Variants in MAP7D1 observed in about 807,000 individuals in gnomAD.
The protein encoded by MAP7D1 is MAP7 domain containing 1.
MAP7D1 carries 30 observed loss-of-function variants against 97.5 expected under a neutral mutation model. The ratio of observed to expected loss-of-function variants is 0.31; its 90% CI spans 0.23 to 0.42. MAP7D1 has a LOEUF of 0.42. Among genes scored for constraint, MAP7D1 ranks in the 10% least tolerant of loss-of-function variants. The pLI is 1.00. For missense variants in MAP7D1, 1,184 were observed against 1,179.5 expected (o/e 1.00, Z -0.06); for synonymous variants, 536 against 477.1 (o/e 1.12, Z -1.61).
At position 36,176,404 on chromosome 1, in the gene MAP7D1, T is replaced by C; in HGVS notation, c.1056T>C (p.Thr352=). ...CGCGCGGGCCGCAACCCGACCGCAC[T>C]CATCCCTCTGCAGCCGTGCCGGTGT... The part of the protein sequence containing the change: ...SLARGPQPDR[T]HPSAAVPVCP... The change falls in exon 7 of 17, where the codon ACT becomes ACC. Residue 352 remains threonine (T), a synonymous_variant. Transcript: ENST00000474796. This position sits in a 1 kb window ranked among gnomAD's most constrained non-coding sequence, Gnocchi z 6.1. The C allele has an allele frequency of 6.5e-7, 1 of 1,534,444 alleles. No homozygotes were observed. The highest frequency in any genetic ancestry group is 1.2e-5 in the South Asian group (1 of 84,222).
At chr1:36,161,648 C>G (rs548608221) in intron 1 of MAP7D1, among the ~76,000 whole-genome samples, 1 of 152,304 alleles carries the variant, frequency 6.6e-6, no homozygotes, top group Non-Finnish European at 1.5e-5. Flanking sequence ...CGGACTTTCT[C>G]TGGGCCTAGG....
chr1:36,171,444 A>G lies in MAP7D1; in HGVS notation c.392-69A>G, dbSNP rs1644541809. Reference sequence around the variant, plus strand: ...AAAGGATGGGGTGAGGCCCGGAGGGAGGGATCTGAGGCTGACTCCTCTTTG... The same window carrying G: ...AAAGGATGGGGTGAGGCCCGGAGGGGGGGATCTGAGGCTGACTCCTCTTTG... On this transcript the variant is annotated intron_variant, in intron 2 of 16. Coordinates refer to ENST00000474796, the MANE Select transcript of MAP7D1 (RefSeq NM_001388490.1). 3.2e-6 allele frequency: 5 copies of G among 1,584,212 alleles called. No homozygotes were observed. The South Asian group carries it at 4.5e-5, about 14-fold the overall frequency.
rs1425156537 is a variant in MAP7D1 at position 36,171,687 on chromosome 1, C to T, written c.460+106C>T. On this transcript the variant is annotated intron_variant, in intron 3 of 16. Coordinates refer to ENST00000474796, the MANE Select transcript of MAP7D1 (RefSeq NM_001388490.1). ...GTGGCTCACGCCTGTAATCCCAGCACTTTGGGAGGCCGAGGCGGGCGAATC... is the reference window on the plus strand; with the variant it reads ...GTGGCTCACGCCTGTAATCCCAGCATTTTGGGAGGCCGAGGCGGGCGAATC... 6 of 1,230,992 alleles carry T rather than the reference C, an allele frequency of 4.9e-6. No individual in the cohort carries two copies. The Admixed American group carries it at 1.2e-4, about 24-fold the overall frequency. 76.3% of individuals were successfully genotyped at this position (1,230,992 alleles called of 1,614,324 possible).
At position 36,164,076 on chromosome 1, in the gene MAP7D1, G is replaced by T. The variant is rs1644446162; in HGVS notation, c.47-6895G>T. ...TGGGCTCAAACGATCTGCTCTCCTT[G>T]GCCTCCCAAAGTGCTGGGATTACAG... On this transcript the variant is annotated intron_variant, in intron 1 of 16. Transcript: ENST00000474796. Among the ~76,000 whole-genome samples, 3 of 151,944 alleles carry T rather than the reference G, an allele frequency of 2.0e-5. No homozygotes were observed. The South Asian group carries it at 6.2e-4, about 32-fold the overall frequency.
Position 36,159,035 on chromosome 1 carries a change from G to GTTGT in MAP7D1, c.46+2574_46+2575insGTTT, listed in dbSNP as rs1553183189. Among the ~76,000 whole-genome samples the GTTGT allele has an allele frequency of 6.9e-6, 1 of 145,902 alleles. No individual in the cohort carries two copies. The highest frequency in any genetic ancestry group is 1.5e-5 in the Non-Finnish European group (1 of 66,214). ...AGTGCCCAATAAGTGCTAGCCATTT[G>GTTGT]TTATTTATTTATTTATTTATTTATT... is the stretch of plus-strand genomic sequence containing the variant. On this transcript the variant is annotated intron_variant, in intron 1 of 16. Coordinates refer to ENST00000474796, the MANE Select transcript of MAP7D1 (RefSeq NM_001388490.1). This position sits in a 1 kb window ranked among gnomAD's most constrained non-coding sequence, Gnocchi z 5.4.
chr1:36,174,148 T>C (rs1263343600), intron 5 of MAP7D1, among the ~76,000 whole-genome samples: 1 of 152,198 alleles, frequency 6.6e-6, no homozygotes, highest in Non-Finnish European at 1.5e-5. Context: ...AAACTGGGGA[T>C]AGTGATACTA....
At chr1:36,177,824 G>C in intron 8 of MAP7D1, 49 bp from the exon 9 acceptor site, 2 of 1,520,104 alleles carry the variant, frequency 1.3e-6, no homozygotes, top group Non-Finnish European at 1.8e-6. Context: ...AGTTCTCAGC[G>C]TGTGGGTGTG....
Position 36,178,602 on chromosome 1 carries a change from T to C in MAP7D1, c.1886+6T>C. The C allele has an allele frequency of 6.4e-7, 1 of 1,570,832 alleles. No homozygotes were observed. Among genetic ancestry groups the C allele is most frequent in the Non-Finnish European group, 8.6e-7 (1 of 1,161,672 alleles). On this transcript the variant is annotated splice_donor_region_variant and intron_variant, in intron 10 of 16. Transcript: ENST00000474796. Reference sequence around the variant, plus strand: ...CTGCAGGCAGAAAGGGACAAGTGAGTGCGCCTCGGGGACTGAGGGGGCCCT... The same window carrying C: ...CTGCAGGCAGAAAGGGACAAGTGAGCGCGCCTCGGGGACTGAGGGGGCCCT...
intron 8 of MAP7D1, 108 bp from the exon 9 acceptor site, chr1:36,177,765 C>A (rs1644648940): frequency 7.8e-6 from 10 of 1,276,138 alleles, no homozygotes; most frequent in African/African-American, 1.8e-5. Flanking sequence ...GGGCGGGGGG[C>A]GGCGCTGATG....
chr1:36,171,024 T>TCCCCCCCCCCCCCCCCCATGTCCCCCCCC lies in MAP7D1; in HGVS notation c.107_108insCCCCCCCCCCATGTCCCCCCCCCCCCCCC (p.Ala42ProfsTer24). The TCCCCCCCCCCCCCCCCCATGTCCCCCCCC allele has an allele frequency of 7.2e-7, 1 of 1,386,116 alleles. No homozygotes were observed. The highest frequency in any genetic ancestry group is 1.2e-5 in the South Asian group (1 of 83,776). 85.9% of individuals were successfully genotyped at this position (1,386,116 alleles called of 1,614,324 possible). ...AAGACCTTCTCCAGAAGGTGACCCT[T>TCCCCCCCCCCCCCCCCCATGTCCCCCCCC]CCCCCCCACCACCACCAATGTCAGC... On this transcript the variant is annotated frameshift_variant, in exon 2 of 17. Coordinates refer to ENST00000474796, the MANE Select transcript of MAP7D1 (RefSeq NM_001388490.1). LOFTEE classifies it high-confidence loss of function.
intron 1 of MAP7D1, among the ~76,000 whole-genome samples, chr1:36,169,555 C>CAA (rs780377186): frequency 1.0e-5 from 1 of 96,294 alleles, no homozygotes; most frequent in Non-Finnish European, 2.2e-5. Flanking sequence ...GACTCCGTCT[C>CAA]AAAAAAAAAA....
At chr1:36,166,332 T>A (rs1212775989) in intron 1 of MAP7D1, among the ~76,000 whole-genome samples, 1 of 151,964 alleles carries the variant, frequency 6.6e-6, no homozygotes, top group African/African-American at 2.4e-5. Flanking sequence ...TGGCTTTTTC[T>A]TCCCCTCAAA....
Position 36,180,363 on chromosome 1 carries a change from C to T in MAP7D1, c.*105C>T. The T allele has an allele frequency of 6.5e-7, 1 of 1,532,344 alleles. No homozygotes were observed. Among genetic ancestry groups the T allele is most frequent in the South Asian group, 1.1e-5 (1 of 89,258 alleles). The allele number at this position is 1,532,344 out of a possible 1,614,324, so 94.9% of individuals were successfully genotyped here. A position where few individuals can be genotyped will look rare whatever the true frequency, so the allele number is the denominator to read the frequency against. ...AGAACAAAGATGGAAGTGGCCTGGG[C>T]CCCTGGGGGTGGGTCCTCTCTGTTG... On this transcript the variant is annotated 3_prime_UTR_variant, in exon 17 of 17. Coordinates refer to ENST00000474796, the MANE Select transcript of MAP7D1 (RefSeq NM_001388490.1).
At chr1:36,162,720 A>G (rs1274604815) in intron 1 of MAP7D1, among the ~76,000 whole-genome samples, 3 of 152,178 alleles carry the variant, frequency 2.0e-5, no homozygotes, top group Admixed American at 6.5e-5. Flanking sequence ...TGAGATGAAC[A>G]TGACATTTAG....
intron 15 of MAP7D1, 21 bp downstream of exon 15, chr1:36,179,777 G>C: frequency 1.3e-6 from 2 of 1,539,700 alleles, no homozygotes; most frequent in East Asian, 2.3e-5. Flanking sequence ...CCAATCCCAG[G>C]GTCCCTGAGC....
At chr1:36,156,538 C>CG in intron 1 of MAP7D1, 75 bp downstream of exon 1, 1 of 1,244,512 alleles carries the variant, frequency 8.0e-7, no homozygotes, top group East Asian at 3.2e-5. Flanking sequence ...TGAGGCCGGC[C>CG]GGCTGGGCGG....
At chr1:36,166,214 A>G (rs1644472750) in intron 1 of MAP7D1, among the ~76,000 whole-genome samples, 1 of 152,134 alleles carries the variant, frequency 6.6e-6, no homozygotes, top group Non-Finnish European at 1.5e-5. Context: ...AAATCTCCCC[A>G]ACACCCTTAA....
chr1:36,171,833 C>T (rs1314276918), intron 3 of MAP7D1: 4 of 301,426 alleles, frequency 1.3e-5, no homozygotes, highest in African/African-American at 9.2e-5. Flanking sequence ...ACTCGGGAGA[C>T]TGAGATAGGA....
At chr1:36,171,898 C>T (rs1644548932) in intron 3 of MAP7D1, 2 of 152,702 alleles carry the variant, frequency 1.3e-5, no homozygotes, top group South Asian at 3.0e-4. Context: ...TGTGCCATTG[C>T]ACTCCAGTCT....
Sources: gnomAD v4.1 joint callset for allele counts (sites outside exome capture counted in the v4.1 genomes callset) on GRCh38, gnomAD v4.1.1 for gene constraint, Gnocchi (gnomAD v3.1) non-coding constraint, MANE v1.5 for transcripts, NCBI Gene and HGNC (gene_info 2026-07-23, HGNC 2026-07-21) for gene names.